Variants in KANSL1 observed in about 807,000 individuals in gnomAD.
The protein encoded by KANSL1 is KAT8 regulatory NSL complex subunit 1.
A neutral mutation model predicts 103.6 loss-of-function variants in KANSL1; 22 were observed. The ratio of observed to expected loss-of-function variants is 0.21; its 90% CI spans 0.15 to 0.30. KANSL1 has a LOEUF of 0.30. Among genes scored for constraint, KANSL1 ranks in the 10% least tolerant of loss-of-function variants. KANSL1 has a pLI of 1.00. For synonymous variants in KANSL1, 600 were observed against 527.6 expected (o/e 1.14, Z -1.88); for missense variants, 1,337 against 1,399.8 (o/e 0.96, Z 0.72).
At chr17:46,080,712 AC>A (rs1216012285) in intron 4 of KANSL1, among the ~76,000 whole-genome samples, 1 of 86,272 alleles carries the variant, frequency 1.2e-5, no homozygotes, top group East Asian at 3.5e-4. Flanking sequence ...CCCCCACCCC[AC>A]CCCCCAACCC....
At chr17:46,109,863 C>T (rs766002592) in intron 2 of KANSL1, among the ~76,000 whole-genome samples, 3 of 152,210 alleles carry the variant, frequency 2.0e-5, no homozygotes, top group Non-Finnish European at 4.4e-5. Flanking sequence ...AACGTATACT[C>T]CTTAAACACA....
At chr17:46,149,036 T>A (rs2044913731) in intron 2 of KANSL1, among the ~76,000 whole-genome samples, 1 of 146,074 alleles carries the variant, frequency 6.8e-6, no homozygotes, top group African/African-American at 2.6e-5. Context: ...GGAGTCTCGC[T>A]CTATCGCCCA....
intron 2 of KANSL1, among the ~76,000 whole-genome samples, chr17:46,158,300 T>C (rs1367828011): frequency 6.6e-6 from 1 of 152,198 alleles, no homozygotes; most frequent in African/African-American, 2.4e-5. Flanking sequence ...ACTTCTTTAT[T>C]GTTTTGCTTT....
chr17:46,065,954 T>C (rs967835250), intron 6 of KANSL1, among the ~76,000 whole-genome samples: 3 of 152,072 alleles, frequency 2.0e-5, no homozygotes, highest in Non-Finnish European at 4.4e-5. Flanking sequence ...GCCTCAACCT[T>C]ATGGGTTCAA....
At chr17:46,163,855 C>T (rs1330535760) in intron 2 of KANSL1, among the ~76,000 whole-genome samples, 1 of 152,210 alleles carries the variant, frequency 6.6e-6, no homozygotes, top group East Asian at 1.9e-4. Flanking sequence ...CAACATATCC[C>T]ATTCCCATGG....
In KANSL1 at chr17:46,066,687, A is replaced by T. The variant is rs2078389915; in HGVS notation, c.1698T>A (p.Asp566Glu). Residue 566 changes from aspartate (D) to glutamate (E), a missense_variant, in exon 6 of 15, where the codon GAT becomes GAA. Asp to Glu is a conservative substitution (Grantham distance 45). Around this residue, in one of 2 missense-constraint regions of KANSL1, gnomAD observed 780 missense variants for 923.4 expected, o/e 0.84. Transcript: ENST00000432791. The part of the protein sequence containing the change: ...LADHIPGDSS[D>E]AEEQLHKKQR... The stretch of plus-strand genomic sequence containing the variant: ...GCTTCTTATGTAATTGTTCCTCAGC[A>T]TCAGAGCTGTCACCTGGAATGTGGT... The T allele has an allele frequency of 1.2e-6, 2 of 1,614,162 alleles. No homozygotes were observed. Among genetic ancestry groups the T allele is most frequent in the Non-Finnish European group, 1.7e-6 (2 of 1,180,016 alleles).
intron 2 of KANSL1, among the ~76,000 whole-genome samples, chr17:46,133,262 G>A (rs1028415944): frequency 4.6e-5 from 7 of 152,120 alleles, no homozygotes; most frequent in African/African-American, 1.4e-4. Context: ...GTGTTCTGAG[G>A]GAACGATACC....
In KANSL1 at chr17:46,114,216, G is replaced by A. The variant is rs572447142; in HGVS notation, c.1290-19515C>T. On this transcript the variant is annotated intron_variant, in intron 2 of 14. Coordinates refer to ENST00000432791, the MANE Select transcript of KANSL1 (RefSeq NM_015443.4). The stretch of plus-strand genomic sequence containing the variant: ...TCTACTAAAAATACAAAAATTAGCT[G>A]GGCATGGTGGCAGGCGCCTGTTGTC... Among the ~76,000 whole-genome samples the A allele has an allele frequency of 2.6e-5, 4 of 152,258 alleles. No homozygotes were observed. In the East Asian group the frequency reaches 7.7e-4, roughly 29 times the overall value.
At chr17:46,124,138 C>G (rs933744807) in intron 2 of KANSL1, among the ~76,000 whole-genome samples, 2 of 152,240 alleles carry the variant, frequency 1.3e-5, no homozygotes, top group Non-Finnish European at 2.9e-5. Context: ...GTGGCTCATG[C>G]CTGTAATCCC....
At chr17:46,068,403 C>CA (rs143703944) in intron 4 of KANSL1, among the ~76,000 whole-genome samples, 10 of 151,838 alleles carry the variant, frequency 6.6e-5, no homozygotes, top group Admixed American at 3.9e-4. Flanking sequence ...ATCTCTACAA[C>CA]AAAAAAATAC....
intron 10 of KANSL1, 75 bp from the exon 11 acceptor site, chr17:46,034,360 C>G: frequency 6.5e-7 from 1 of 1,534,526 alleles, no homozygotes; most frequent in Admixed American, 1.8e-5. Flanking sequence ...AGAGTTAAAG[C>G]AGGATCACCA....
In KANSL1 at chr17:46,039,838, C is replaced by A. The variant is rs755418917; in HGVS notation, c.2067G>T (p.Trp689Cys). 1.1e-5 allele frequency: 18 copies of A among 1,614,058 alleles called. No individual in the cohort carries two copies. In the South Asian group the frequency reaches 1.4e-4, roughly 13 times the overall value. ...LHFQSMLKSQ[W>C]QNKPFDKIKP... Reference sequence around the variant, plus strand: ...TGATTTTGTCAAAAGGCTTGTTCTGCCACTGAGATTTCAGCATGCTCTGGA... The same window carrying A: ...TGATTTTGTCAAAAGGCTTGTTCTGACACTGAGATTTCAGCATGCTCTGGA... The change falls in exon 8 of 15, where the codon TGG becomes TGT. Residue 689 changes from tryptophan (W) to cysteine (C), a missense_variant. Trp to Cys is a radical substitution (Grantham distance 215). This residue lies in a region of KANSL1 where 780 missense variants were observed against 923.4 expected (regional missense o/e 0.84). Transcript: ENST00000432791.
At chr17:46,069,667 C>T (rs920056985) in intron 4 of KANSL1, among the ~76,000 whole-genome samples, 4 of 152,028 alleles carry the variant, frequency 2.6e-5, no homozygotes, top group Non-Finnish European at 4.4e-5. Flanking sequence ...ATCACTTGAA[C>T]CCAGGAAGTG....
intron 2 of KANSL1, among the ~76,000 whole-genome samples, chr17:46,115,999 G>C (rs2043028733): frequency 6.6e-6 from 1 of 152,212 alleles, no homozygotes; most frequent in Admixed American, 6.5e-5. Context: ...CACATTTTCT[G>C]ATTGGTTTTA....
chr17:46,182,227 A>G (rs1042174381), intron 1 of KANSL1, among the ~76,000 whole-genome samples: 2 of 152,200 alleles, frequency 1.3e-5, no homozygotes, highest in South Asian at 4.1e-4. Flanking sequence ...AGAAGAGAAA[A>G]AGGAGGAAAC....
At chr17:46,121,052 A>G (rs1445290798) in intron 2 of KANSL1, among the ~76,000 whole-genome samples, 11 of 152,202 alleles carry the variant, frequency 7.2e-5, no homozygotes. Flanking sequence ...CCAGCCCATC[A>G]GCAAATCCTA....
At chr17:46,195,517 T>C (rs930047818), upstream of KANSL1, among the ~76,000 whole-genome samples, 1 of 152,260 alleles carries the variant, frequency 6.6e-6, no homozygotes, top group Non-Finnish European at 1.5e-5. Context: ...AGTCAACCTG[T>C]TGTATATTCT....
At chr17:46,139,150 A>C (rs1012220846) in intron 2 of KANSL1, among the ~76,000 whole-genome samples, 1 of 152,218 alleles carries the variant, frequency 6.6e-6, no homozygotes, top group African/African-American at 2.4e-5. Flanking sequence ...AATACCTAGG[A>C]CATCACAGGA....
chr17:46,219,781 C>T (rs1391803373), intron 1 of KANSL1, among the ~76,000 whole-genome samples: 1 of 152,250 alleles, frequency 6.6e-6, no homozygotes. Context: ...GGCCCTTTTG[C>T]GTGTGTATCC....
Sources: allele counts gnomAD v4.1 joint callset (sites outside exome capture counted in the v4.1 genomes callset), GRCh38; gene constraint gnomAD v4.1.1; regional missense constraint gnomAD v4.1.1; transcripts MANE v1.5; gene names NCBI Gene and HGNC (gene_info 2026-07-23, HGNC 2026-07-21).